NBAS: variants seen among roughly 807,000 people sequenced by gnomAD.
NBAS encodes NBAS subunit of NRZ tethering complex.
In NBAS, 219 loss-of-function variants were observed where a neutral mutation model predicts 302.5. The observed-to-expected ratio is 0.72, with a 90% CI of 0.65 to 0.81. The LOEUF is 0.81. NBAS is among the 30% of genes least tolerant of loss of function. The pLI, the probability that NBAS is intolerant of heterozygous loss-of-function variation, is 0.00. For missense variants in NBAS, 2,932 were observed against 2,841.6 expected (o/e 1.03, Z -0.72); for synonymous variants, 1,118 against 1,021.6 (o/e 1.09, Z -1.80).
chr2:14,961,959 T>G, the NBAS span, among the ~76,000 whole-genome samples: 1 of 152,076 alleles, frequency 6.6e-6, no homozygotes, highest in Non-Finnish European at 1.5e-5. Context: ...TTTTTGTATT[T>G]TTAGGGGAGA....
the NBAS span, among the ~76,000 whole-genome samples, chr2:14,943,672 G>C: frequency 6.6e-6 from 1 of 152,146 alleles, no homozygotes; most frequent in African/African-American, 2.4e-5. Flanking sequence ...TCAGATATAA[G>C]TAGTGATTTG....
chr2:14,790,192 A>G, the NBAS span, among the ~76,000 whole-genome samples: 1 of 152,220 alleles, frequency 6.6e-6, no homozygotes, highest in East Asian at 1.9e-4. Context: ...GCTATTTCAC[A>G]CTACCCACTT....
intron 35 of NBAS, among the ~76,000 whole-genome samples, chr2:15,340,458 G>C (rs142558297): frequency 2.0e-4 from 31 of 152,298 alleles, no homozygotes; most frequent in Non-Finnish European, 4.1e-4. Context: ...TAGGTGGGGA[G>C]AGGAAGAGGG....
At chr2:15,388,744 A>G (rs1675434934) in intron 28 of NBAS, among the ~76,000 whole-genome samples, 1 of 152,188 alleles carries the variant, frequency 6.6e-6, no homozygotes, top group African/African-American at 2.4e-5. Context: ...TCAAATGTCC[A>G]TCAACAGAGA....
chr2:15,252,594 C>G (rs1668415557), intron 44 of NBAS, among the ~76,000 whole-genome samples: 1 of 151,622 alleles, frequency 6.6e-6, no homozygotes, highest in South Asian at 2.1e-4. Context: ...TGGCAGGTGA[C>G]TTAAGAAAAA....
chr2:15,110,653 T>C, the NBAS span, among the ~76,000 whole-genome samples: 103 of 152,188 alleles, frequency 6.8e-4, no homozygotes, highest in Middle Eastern at 6.8e-3. Context: ...ATGCAGGTGA[T>C]TGGAGGGTAC....
intron 51 of NBAS, among the ~76,000 whole-genome samples, chr2:15,176,480 CAT>C (rs376349764): frequency 2.1e-3 from 321 of 151,054 alleles, no homozygotes; most frequent in African/African-American, 3.0e-3. Context: ...CACACACACA[CAT>C]ACACTCAAGA....
the NBAS span, among the ~76,000 whole-genome samples, chr2:15,031,579 GGA>G: frequency 6.6e-6 from 1 of 152,198 alleles, no homozygotes; most frequent in African/African-American, 2.4e-5. Flanking sequence ...GAACAGATGT[GGA>G]GAGGCAGTTG....
At chr2:15,091,995 CA>C in the NBAS span, among the ~76,000 whole-genome samples, 1 of 152,264 alleles carries the variant, frequency 6.6e-6, no homozygotes, top group African/African-American at 2.4e-5. Flanking sequence ...TTGGGGAAGC[CA>C]AAAGTTATAC....
At chr2:15,199,655 A>G (rs2147824642) in intron 48 of NBAS, among the ~76,000 whole-genome samples, 1 of 152,322 alleles carries the variant, frequency 6.6e-6, no homozygotes, top group South Asian at 2.1e-4. Context: ...AAGTGATGAT[A>G]AAGTCAAAAT....
At chr2:15,528,527 T>G (rs74573661) in intron 9 of NBAS, among the ~76,000 whole-genome samples, 2 of 23,842 alleles carry the variant, frequency 8.4e-5, no homozygotes, top group East Asian at 2.8e-4. Context: ...CACACACACA[T>G]AGAACATGCA....
chr2:15,342,060 C>G (rs965479919), intron 35 of NBAS, among the ~76,000 whole-genome samples: 1 of 151,830 alleles, frequency 6.6e-6, no homozygotes, highest in Non-Finnish European at 1.5e-5. Context: ...CAACAGTAAA[C>G]AAAACAAAGT....
chr2:15,190,546 C>A, intron 48 of NBAS, 143 bp from the exon 49 acceptor site: 1 of 949,794 alleles, frequency 1.1e-6, no homozygotes, highest in Non-Finnish European at 1.6e-6. Context: ...ACAACCACCT[C>A]AAAAGCTCTA....
chr2:15,217,574 A>T (rs922995635), intron 48 of NBAS, among the ~76,000 whole-genome samples: 1 of 152,216 alleles, frequency 6.6e-6, no homozygotes, highest in Non-Finnish European at 1.5e-5. Context: ...CTCTTTTGCA[A>T]TGGGGATTAT....
At position 15,539,225 on chromosome 2, in the gene NBAS, G is replaced by A. The variant is rs749211140; in HGVS notation, c.511C>T (p.Pro171Ser). The change falls in exon 7 of 52, where the codon CCG becomes TCG. Residue 171 changes from proline to serine, a missense_variant and splice_region_variant. Physicochemically the swap from Pro to Ser is moderately conservative, Grantham distance 74 (BLOSUM62 -1). Coordinates refer to ENST00000281513, the MANE Select transcript of NBAS (RefSeq NM_015909.4). ...LMGSELFVISPASSFIGDLSY... is the reference protein window; with the variant it reads ...LMGSELFVISSASSFIGDLSY... ...TTCAATTTAAGCTATGTACATACCG[G>A]GGAAATGACAAAGAGTTCACTTCCC... 2 of 1,614,070 alleles carry A rather than the reference G, an allele frequency of 1.2e-6. No homozygotes were observed. Among genetic ancestry groups the A allele is most frequent in the Admixed American group, 3.3e-5 (2 of 60,014 alleles).
intron 38 of NBAS, among the ~76,000 whole-genome samples, chr2:15,325,807 A>G (rs933746166): frequency 3.9e-5 from 6 of 152,226 alleles, no homozygotes; most frequent in African/African-American, 1.4e-4. Flanking sequence ...TTGGGGCAAG[A>G]TGCCTAGCTT....
chr2:15,240,446 CAA>C (rs1175235771), intron 44 of NBAS, among the ~76,000 whole-genome samples: 26 of 75,364 alleles, frequency 3.4e-4, no homozygotes, highest in East Asian at 8.1e-4. Flanking sequence ...ACTAAAAATA[CAA>C]AAAAAAAAAA....
chr2:15,003,172 A>G, the NBAS span, among the ~76,000 whole-genome samples: 1 of 152,226 alleles, frequency 6.6e-6, no homozygotes, highest in Non-Finnish European at 1.5e-5. Context: ...AAGTCAAGGC[A>G]GGCTTTTGGG....
chr2:15,139,328 A>T, the NBAS span, among the ~76,000 whole-genome samples: 1 of 151,826 alleles, frequency 6.6e-6, no homozygotes, highest in Non-Finnish European at 1.5e-5. Context: ...AGCATTTAAG[A>T]CCCCCCGATT....
Sources: allele counts gnomAD v4.1 joint callset (sites outside exome capture counted in the v4.1 genomes callset), GRCh38; gene constraint gnomAD v4.1.1; transcripts MANE v1.5; gene names NCBI Gene and HGNC (gene_info 2026-07-23, HGNC 2026-07-21).